Variants in SDK1 observed in about 807,000 individuals in gnomAD.
SDK1 encodes protein sidekick-1.
A neutral mutation model predicts 245.5 loss-of-function variants in SDK1; 157 were observed. The observed-to-expected ratio is 0.64, with a 90% CI of 0.56 to 0.73. SDK1 has a LOEUF of 0.73. SDK1 is among the 30% of genes least tolerant of loss of function. SDK1 has a pLI of 0.00. For missense variants in SDK1, 3,583 were observed against 3,002.3 expected, an observed-to-expected ratio of 1.19 and a Z score of -4.52; for synonymous variants, 1,647 against 1,278.5, an observed-to-expected ratio of 1.29 and a Z score of -6.15.
chr7:3,942,133 C>G (rs888853103), intron 5 of SDK1, among the ~76,000 whole-genome samples: 1 of 152,124 alleles, frequency 6.6e-6, no homozygotes, highest in Admixed American at 6.5e-5. Flanking sequence ...GTCTCGATCT[C>G]CTGACCTCAT....
At position 3,971,487 on chromosome 7, in the gene SDK1, C is replaced by T; in HGVS notation, c.1736C>T (p.Pro579Leu). 1.2e-6 allele frequency: 2 copies of T among 1,613,096 alleles called. No individual in the cohort carries two copies. Among genetic ancestry groups the T allele is most frequent in the South Asian group, 1.1e-5 (1 of 90,884 alleles). The change falls in exon 12 of 45, where the codon CCT becomes CTT. Residue 579 changes from proline to leucine, a missense_variant. Transcript: ENST00000404826. ...TVWNRTSIVHPPEDHVVIKGT... is the reference protein window; with the variant it reads ...TVWNRTSIVHLPEDHVVIKGT... ...TCAGATCGGACGTCCATCGTCCACC[C>T]TCCTGAGGACCACGTGGTGATTAAG...
chr7:4,198,717 G>GTAA (rs1783720130), intron 35 of SDK1, among the ~76,000 whole-genome samples: 1 of 152,100 alleles, frequency 6.6e-6, no homozygotes, highest in South Asian at 2.1e-4. Flanking sequence ...TTGGACCTTA[G>GTAA]GGTTAGGCAG....
chr7:3,400,717 G>T (rs1778865991), intron 1 of SDK1, among the ~76,000 whole-genome samples: 1 of 152,086 alleles, frequency 6.6e-6, no homozygotes, highest in African/African-American at 2.4e-5. Flanking sequence ...TTTTGTAGTT[G>T]GTGGGTTCAT....
chr7:3,442,923 C>A (rs1461483925), intron 1 of SDK1, among the ~76,000 whole-genome samples: 2 of 152,084 alleles, frequency 1.3e-5, no homozygotes. Flanking sequence ...CCCCAGTCTT[C>A]TTTCATTTAA....
chr7:4,170,847 G>A (rs956925924), intron 32 of SDK1, among the ~76,000 whole-genome samples: 4 of 152,186 alleles, frequency 2.6e-5, no homozygotes, highest in Non-Finnish European at 4.4e-5. Context: ...TGGAGAAAGA[G>A]CAAATGAGCA....
chr7:3,560,315 G>T (rs930477492), intron 1 of SDK1, among the ~76,000 whole-genome samples: 1 of 152,028 alleles, frequency 6.6e-6, no homozygotes, highest in Admixed American at 6.5e-5. Context: ...ATATCCAAAT[G>T]TATGTCTTTT....
chr7:3,507,220 T>C (rs1481376347), intron 1 of SDK1, among the ~76,000 whole-genome samples: 2 of 152,172 alleles, frequency 1.3e-5, no homozygotes, highest in Non-Finnish European at 2.9e-5. Flanking sequence ...TTCTCTCTAG[T>C]AGTTGTCGTT....
At chr7:3,341,527 T>C (rs1780348373) in intron 1 of SDK1, among the ~76,000 whole-genome samples, 1 of 152,090 alleles carries the variant, frequency 6.6e-6, no homozygotes, top group South Asian at 2.1e-4. Flanking sequence ...AGCAAAACAG[T>C]CCCAGTTTAC....
intron 17 of SDK1, among the ~76,000 whole-genome samples, chr7:4,020,042 T>C (rs1428021848): frequency 6.6e-6 from 1 of 152,006 alleles, no homozygotes; most frequent in Non-Finnish European, 1.5e-5. Context: ...ATGCTTTTCT[T>C]CCAGACCCTG....
intron 4 of SDK1, among the ~76,000 whole-genome samples, chr7:3,775,923 T>G (rs1562434694): frequency 1.3e-5 from 2 of 152,352 alleles, no homozygotes; most frequent in South Asian, 2.1e-4. Context: ...CTTGACTGTC[T>G]TTCCCACAGT....
At chr7:4,042,230 C>T (rs898002548) in intron 17 of SDK1, among the ~76,000 whole-genome samples, 1 of 136,322 alleles carries the variant, frequency 7.3e-6, no homozygotes, top group Admixed American at 6.9e-5. Context: ...GACCACTGCA[C>T]TGTCCCACCT....
chr7:4,212,540 C>T (rs1784562798), intron 38 of SDK1, among the ~76,000 whole-genome samples: 1 of 152,186 alleles, frequency 6.6e-6, no homozygotes, highest in African/African-American at 2.4e-5. Context: ...AGTGTGGCCA[C>T]TTCGAGGGGC....
At chr7:4,222,949 G>C (rs1375026) in intron 40 of SDK1, among the ~76,000 whole-genome samples, 62,599 of 151,834 alleles carry the variant, frequency 0.41, 13,724 homozygotes, top group African/African-American at 0.57. Context: ...GGAGGCCAAG[G>C]GGGAGGGAGC....
intron 1 of SDK1, among the ~76,000 whole-genome samples, chr7:3,356,466 C>T (rs748350669): frequency 6.6e-6 from 1 of 152,198 alleles, no homozygotes; most frequent in Non-Finnish European, 1.5e-5. Context: ...ATAATTCATA[C>T]GAGTTGGGAG....
intron 5 of SDK1, among the ~76,000 whole-genome samples, chr7:3,838,250 G>A (rs1780069622): frequency 6.6e-6 from 1 of 152,240 alleles, no homozygotes; most frequent in Admixed American, 6.5e-5. Context: ...GCCAGGCACG[G>A]AAGTTAGGGA....
intron 4 of SDK1, among the ~76,000 whole-genome samples, chr7:3,797,104 T>C (rs562392243): frequency 5.8e-4 from 89 of 152,142 alleles, no homozygotes; most frequent in Non-Finnish European, 9.4e-4. Flanking sequence ...CCTCCTGGCC[T>C]CAAGTGATCC....
rs12333854 is a variant in SDK1, at chr7:3,776,361, G to C, written c.714-45089G>C. 5.5e-3 allele frequency among the ~76,000 whole-genome samples: 840 copies of C among 152,328 alleles called. 9 individuals carry two copies. Among genetic ancestry groups the C allele is most frequent in the African/African-American group, 0.019 (807 of 41,576 alleles). On this transcript the variant is annotated intron_variant, in intron 4 of 44. Transcript: ENST00000404826. The stretch of plus-strand genomic sequence containing the variant: ...CCACATTCTGTTTCCCAGTTGCACG[G>C]TGAAAATCTATTCTGTCAGATTTGT...
At chr7:3,643,178 C>T (rs1782705565) in intron 4 of SDK1, 1 of 151,686 alleles carries the variant, frequency 6.6e-6, no homozygotes. Flanking sequence ...CTGTGGAATC[C>T]CTTCCTGAAG....
intron 4 of SDK1, among the ~76,000 whole-genome samples, chr7:3,680,512 C>T (rs1311931508): frequency 1.3e-5 from 2 of 152,082 alleles, no homozygotes; most frequent in Non-Finnish European, 2.9e-5. Flanking sequence ...GGGTGTTGTT[C>T]CAATGACTAT....
Sources: gnomAD v4.1 joint callset for allele counts (sites outside exome capture counted in the v4.1 genomes callset) on GRCh38, gnomAD v4.1.1 for gene constraint, MANE v1.5 for transcripts, NCBI Gene and HGNC (gene_info 2026-07-23, HGNC 2026-07-21) for gene names.